The following URB2 variants were observed in gnomAD, a reference collection of about 807,000 sequenced individuals.
URB2 encodes URB2 ribosome biogenesis homolog.
A neutral mutation model predicts 120.9 loss-of-function variants in URB2; 86 were observed. The ratio of observed to expected loss-of-function variants is 0.71; its 90% CI spans 0.60 to 0.85. The LOEUF (loss-of-function observed/expected upper bound fraction) is 0.85. Among genes scored for constraint, URB2 ranks in the 40% least tolerant of loss-of-function variants. URB2 has a pLI of 0.00. For synonymous variants in URB2, 755 were observed against 758.4 expected, an observed-to-expected ratio of 1.00 and a Z score of 0.07; for missense variants, 1,765 against 1,836.5, an observed-to-expected ratio of 0.96 and a Z score of 0.71.
chr1:229,643,539 A>T lies in URB2; in HGVS notation c.3641A>T (p.Glu1214Val). Residue 1214 changes from glutamate (E) to valine (V), a missense_variant, in exon 5 of 10, where the codon GAA becomes GTA. Glu to Val is a moderately radical substitution (Grantham distance 121, BLOSUM62 -2). Transcript: ENST00000258243. ...TGGTTTCTTTCCCACACAGATCCTGAAATTCCTGTTCAGGTCACTCAGGAT... is the reference window on the plus strand; with the variant it reads ...TGGTTTCTTTCCCACACAGATCCTGTAATTCCTGTTCAGGTCACTCAGGAT... Reference protein sequence around the residue: ...HSVRRVLADPEIPVQVTQDIE... With the variant: ...HSVRRVLADPVIPVQVTQDIE... The T allele has an allele frequency of 6.2e-7, 1 of 1,614,078 alleles. No individual in the cohort carries two copies. Among genetic ancestry groups the T allele is most frequent in the Non-Finnish European group, 8.5e-7 (1 of 1,180,000 alleles).
intron 9 of URB2, among the ~76,000 whole-genome samples, chr1:229,656,023 T>C (rs1666399613): frequency 6.6e-6 from 1 of 152,232 alleles, no homozygotes; most frequent in African/African-American, 2.4e-5. Context: ...AGCCTGGCCA[T>C]GTGAGTGCAC....
intron 4 of URB2, among the ~76,000 whole-genome samples, chr1:229,638,604 C>G (rs1043020473): frequency 2.0e-5 from 3 of 151,792 alleles, no homozygotes; most frequent in African/African-American, 7.3e-5. Context: ...CAAGATCGCG[C>G]CACTGCACTC....
chr1:229,632,045 G>A (rs1415697778), intron 2 of URB2, among the ~76,000 whole-genome samples: 1 of 152,166 alleles, frequency 6.6e-6, no homozygotes, highest in East Asian at 1.9e-4. Context: ...TGCCCTAGCT[G>A]AAGACAAATT....
chr1:229,628,639 A>G lies in URB2; in HGVS notation c.126+880A>G, dbSNP rs113543160. Among the ~76,000 whole-genome samples, 76 of 152,332 alleles carry G rather than the reference A, an allele frequency of 5.0e-4. 2 individuals are homozygous for G. The highest frequency in any genetic ancestry group is 1.8e-3 in the African/African-American group (76 of 41,570). ...GTTAAAAGTCTTCCGCATTGGATAAATTGAAGGTTGGGAAGTAGAGAAATG... is the reference window on the plus strand; with the variant it reads ...GTTAAAAGTCTTCCGCATTGGATAAGTTGAAGGTTGGGAAGTAGAGAAATG... On this transcript the variant is annotated intron_variant, in intron 2 of 9. Transcript: ENST00000258243.
Position 229,659,226 on chromosome 1 carries a change from A to G in URB2, c.4504A>G (p.Lys1502Glu). The G allele has an allele frequency of 6.2e-7, 1 of 1,614,036 alleles. No individual in the cohort carries two copies. Among genetic ancestry groups the G allele is most frequent in the Non-Finnish European group, 8.5e-7 (1 of 1,180,022 alleles). ...GCAGCCGGGAATGAGAGACATCTTT[A>G]AGGAGCTCTATAATGACTATCTCAA... ...SLQPGMRDIF[K>E]ELYNDYLKYH... Residue 1502 changes from lysine (K) to glutamate (E), a missense_variant, in exon 10 of 10, where the codon AAG becomes GAG. Physicochemically the swap from Lys to Glu is moderately conservative, Grantham distance 56. Transcript: ENST00000258243.
chr1:229,634,680 C>T (rs1289092959), intron 3 of URB2, among the ~76,000 whole-genome samples: 1 of 152,136 alleles, frequency 6.6e-6, no homozygotes, highest in East Asian at 1.9e-4. Flanking sequence ...GGCACGGATC[C>T]TTTTCTAGAT....
chr1:229,646,991 A>G (rs1666160486), intron 6 of URB2, among the ~76,000 whole-genome samples: 1 of 152,182 alleles, frequency 6.6e-6, no homozygotes. Flanking sequence ...GGCAGGGGTC[A>G]TCGTCACCGA....
intron 5 of URB2, among the ~76,000 whole-genome samples, chr1:229,644,238 C>G (rs1666083815): frequency 6.6e-6 from 1 of 152,228 alleles, no homozygotes; most frequent in African/African-American, 2.4e-5. Context: ...ATCTCTTACG[C>G]AAGGAAGAAG....
chr1:229,632,365 G>A lies in URB2; in HGVS notation c.223G>A (p.Asp75Asn), dbSNP rs1367693894. ...TGTTGAAAGGCTTTGGATCTATATAGATAACATTTTACATAGCAGAAAATT... is the reference window on the plus strand; with the variant it reads ...TGTTGAAAGGCTTTGGATCTATATAAATAACATTTTACATAGCAGAAAATT... ...DIVERLWIYIDNILHSRKLQN... is the reference protein window; with the variant it reads ...DIVERLWIYINNILHSRKLQN... The change falls in exon 3 of 10, where the codon GAT (aspartate) becomes AAT (asparagine). Residue 75 changes from aspartate to asparagine, a missense_variant. Coordinates refer to ENST00000258243, the MANE Select transcript of URB2 (RefSeq NM_014777.4). 6.3e-7 allele frequency: 1 copy of A among 1,588,208 alleles called. No individual in the cohort carries two copies. The highest frequency in any genetic ancestry group is 2.3e-5 in the East Asian group (1 of 43,554).
At chr1:229,640,824 C>T (rs568972310) in intron 4 of URB2, among the ~76,000 whole-genome samples, 3 of 151,656 alleles carry the variant, frequency 2.0e-5, no homozygotes, top group African/African-American at 4.9e-5. Context: ...TCTCTTTTAG[C>T]GAATGGTGTT....
At position 229,635,019 on chromosome 1, in the gene URB2, G is replaced by T. The variant is rs769371382; in HGVS notation, c.406G>T (p.Ala136Ser). ...GGGCATCCTGTCGACACCTGCCCTG[G>T]CTGTCATCTACACGGCCAAACAGGA... ...CQGILSTPAL[A>S]VIYTAKQELM... The change falls in exon 4 of 10, where the codon GCT becomes TCT. Residue 136 changes from alanine to serine, a missense_variant. By Grantham distance (99) the Ala-to-Ser change is moderately conservative (BLOSUM62 1). Coordinates refer to ENST00000258243, the MANE Select transcript of URB2 (RefSeq NM_014777.4). 5.6e-6 allele frequency: 9 copies of T among 1,613,700 alleles called. No homozygotes were observed. The highest frequency in any genetic ancestry group is 1.3e-5 in the African/African-American group (1 of 74,998).
At chr1:229,652,136 C>G (rs112238487) in intron 8 of URB2, among the ~76,000 whole-genome samples, 10 of 151,634 alleles carry the variant, frequency 6.6e-5, no homozygotes, top group Admixed American at 5.9e-4. Context: ...GAGCTGAGAT[C>G]GCGCCATTGC....
chr1:229,636,640 A>T lies in URB2; in HGVS notation c.2027A>T (p.Gln676Leu). 1 of 1,614,254 alleles carries T rather than the reference A, an allele frequency of 6.2e-7. No homozygotes were observed. The highest frequency in any genetic ancestry group is 8.5e-7 in the Non-Finnish European group (1 of 1,180,052). ...FSSLGTYCLE[Q>L]LYLQKMKRTL... ...TCTCTTGGTACATATTGCTTAGAAC[A>T]GCTGTACCTGCAGAAAATGAAAAGG... The change falls in exon 4 of 10, where the codon CAG becomes CTG. Residue 676 changes from glutamine to leucine, a missense_variant. Physicochemically the swap from Gln to Leu is moderately radical, Grantham distance 113. Transcript: ENST00000258243.
rs773705894 is a variant in URB2 at position 229,636,690 on chromosome 1, T to C, written c.2077T>C (p.Ser693Pro). The change falls in exon 4 of 10, where the codon TCT (serine) becomes CCT (proline). Residue 693 changes from serine to proline, a missense_variant. Transcript: ENST00000258243. Reference protein sequence around the residue: ...KRTLMQTSFRSEGAIQSLRCD... With the variant: ...KRTLMQTSFRPEGAIQSLRCD... Reference sequence around the variant, plus strand: ...GACTTTAATGCAAACTAGTTTCCGGTCTGAAGGAGCCATCCAAAGTTTGAG... The same window carrying C: ...GACTTTAATGCAAACTAGTTTCCGGCCTGAAGGAGCCATCCAAAGTTTGAG... 2 of 1,614,038 alleles carry C rather than the reference T, an allele frequency of 1.2e-6. No individual in the cohort carries two copies. The highest frequency in any genetic ancestry group is 1.7e-6 in the Non-Finnish European group (2 of 1,180,028).
chr1:229,658,687 A>G (rs932140455), intron 9 of URB2, among the ~76,000 whole-genome samples: 1 of 152,150 alleles, frequency 6.6e-6, no homozygotes, highest in Non-Finnish European at 1.5e-5. Flanking sequence ...GGGTTGGCAT[A>G]GCTTCCAAGG....
chr1:229,627,779 C>T lies in URB2; in HGVS notation c.126+20C>T, dbSNP rs1558159812. 4 of 1,594,600 alleles carry T rather than the reference C, an allele frequency of 2.5e-6. No homozygotes were observed. The highest frequency in any genetic ancestry group is 4.5e-5 in the East Asian group (2 of 44,232). On this transcript the variant is annotated intron_variant, in intron 2 of 9. Coordinates refer to ENST00000258243, the MANE Select transcript of URB2 (RefSeq NM_014777.4). ...GAACAAGTAAGTTTAATGTGAAACT[C>T]ATATTTTTACAGTCTGTCAAGATAA...
At chr1:229,626,863 C>T (rs1445747742) in intron 1 of URB2, among the ~76,000 whole-genome samples, 1 of 152,230 alleles carries the variant, frequency 6.6e-6, no homozygotes, top group African/African-American at 2.4e-5. Flanking sequence ...GGAAAACTGA[C>T]AGCACTTGAC....
At chr1:229,645,553 G>A in intron 5 of URB2, among the ~76,000 whole-genome samples, 1 of 152,180 alleles carries the variant, frequency 6.6e-6, no homozygotes, top group East Asian at 1.9e-4. Context: ...AGGTCACAGT[G>A]TGTGACCCTT....
intron 7 of URB2, among the ~76,000 whole-genome samples, chr1:229,649,233 T>C (rs1368481306): frequency 6.6e-6 from 1 of 152,166 alleles, no homozygotes; most frequent in Non-Finnish European, 1.5e-5. Flanking sequence ...AAGAAAAATA[T>C]TCTCTGGTAA....
Sources: gnomAD v4.1 joint callset for allele counts (sites outside exome capture counted in the v4.1 genomes callset) on GRCh38, gnomAD v4.1.1 for gene constraint, MANE v1.5 for transcripts, NCBI Gene and HGNC (gene_info 2026-07-23, HGNC 2026-07-21) for gene names.